KCNQ3: variants seen among roughly 807,000 people sequenced by gnomAD.
KCNQ3 encodes potassium voltage-gated channel subfamily KQT member 3.
Under a neutral mutation model 92.5 loss-of-function variants are expected in KCNQ3, and 30 were observed. The observed-to-expected ratio is 0.32, with a 90% CI of 0.24 to 0.44. The LOEUF (loss-of-function observed/expected upper bound fraction) is 0.44, where lower values mean the gene tolerates loss of function less well. Ranked by LOEUF, KCNQ3 falls within the 20% of genes least tolerant of loss-of-function variation. The pLI is 1.00. For synonymous variants in KCNQ3, 450 were observed against 468.8 expected (o/e 0.96, Z 0.52); for missense variants, 913 against 1,140.3 (o/e 0.80, Z 2.87).
intron 1 of KCNQ3, among the ~76,000 whole-genome samples, chr8:132,225,877 T>G (rs1053297320): frequency 6.6e-6 from 1 of 152,202 alleles, no homozygotes; most frequent in Non-Finnish European, 1.5e-5. Flanking sequence ...CCTCAACTGA[T>G]ATGAACAAGG....
chr8:132,162,469 A>T (rs1190334318), intron 9 of KCNQ3, among the ~76,000 whole-genome samples: 1 of 152,028 alleles, frequency 6.6e-6, no homozygotes, highest in African/African-American at 2.4e-5. Context: ...TTTCCATAGA[A>T]TTATCTGCAG....
intron 1 of KCNQ3, among the ~76,000 whole-genome samples, chr8:132,298,810 G>A (rs1817126701): frequency 6.6e-6 from 1 of 152,264 alleles, no homozygotes; most frequent in South Asian, 2.1e-4. Context: ...TCGGAAGGCT[G>A]AGGCAGAGAA....
At chr8:132,426,302 C>T (rs1337163077) in intron 1 of KCNQ3, among the ~76,000 whole-genome samples, 1 of 152,238 alleles carries the variant, frequency 6.6e-6, no homozygotes, top group Non-Finnish European at 1.5e-5. Flanking sequence ...GCAAACAACC[C>T]TACCCATCAT....
rs1194546271 is a variant in KCNQ3, at chr8:132,461,123, GT to G, written c.386+19023del. Among the ~76,000 whole-genome samples the G allele has an allele frequency of 3.9e-5, 6 of 152,066 alleles. 1 individual carries two copies. The highest frequency in any genetic ancestry group is 7.4e-5 in the Non-Finnish European group (5 of 68,018). ...TAGTTTATTGTATGGATGTACAATG[GT>G]TTGTTTATCCATTCATCTTGGTTGC... On this transcript the variant is annotated intron_variant, in intron 1 of 14. Coordinates refer to ENST00000388996, the MANE Select transcript of KCNQ3 (RefSeq NM_004519.4).
At chr8:132,361,233 A>G (rs1819160271) in intron 1 of KCNQ3, among the ~76,000 whole-genome samples, 1 of 152,146 alleles carries the variant, frequency 6.6e-6, no homozygotes, top group African/African-American at 2.4e-5. Flanking sequence ...TAGTTTGTTT[A>G]TAAGTGGAGC....
chr8:132,479,167 C>T (rs777984261), intron 1 of KCNQ3, among the ~76,000 whole-genome samples: 14 of 152,090 alleles, frequency 9.2e-5, no homozygotes, highest in Non-Finnish European at 2.1e-4. Flanking sequence ...AGGAGCACCC[C>T]CACCATCCTC....
chr8:132,443,177 G>T (rs2130840503), intron 1 of KCNQ3, among the ~76,000 whole-genome samples: 1 of 152,242 alleles, frequency 6.6e-6, no homozygotes, highest in South Asian at 2.1e-4. Flanking sequence ...CTGGCATTTG[G>T]CTAGCCAATT....
intron 1 of KCNQ3, among the ~76,000 whole-genome samples, chr8:132,304,986 A>G (rs888787016): frequency 2.0e-5 from 3 of 152,134 alleles, no homozygotes; most frequent in Admixed American, 6.5e-5. Context: ...AGGCAGGCCA[A>G]TAAGTGTGCT....
chr8:132,136,139 A>G (rs1257627344), intron 12 of KCNQ3, among the ~76,000 whole-genome samples: 10 of 149,868 alleles, frequency 6.7e-5, no homozygotes, highest in African/African-American at 2.5e-4. Flanking sequence ...AAAAAAAAAA[A>G]AAAAAAAGAA....
intron 1 of KCNQ3, among the ~76,000 whole-genome samples, chr8:132,348,652 C>T (rs544302509): frequency 1.6e-4 from 25 of 152,244 alleles, no homozygotes; most frequent in African/African-American, 4.6e-4. Flanking sequence ...CAGAGGCTGG[C>T]GGATCCACCT....
chr8:132,418,777 C>G (rs188163539), intron 1 of KCNQ3, among the ~76,000 whole-genome samples: 26 of 152,154 alleles, frequency 1.7e-4, no homozygotes, highest in Non-Finnish European at 2.6e-4. Context: ...CAGAATGAGA[C>G]TATGTCTCAA....
At chr8:132,454,004 C>T (rs1821884588) in intron 1 of KCNQ3, among the ~76,000 whole-genome samples, 1 of 152,198 alleles carries the variant, frequency 6.6e-6, no homozygotes, top group African/African-American at 2.4e-5. Flanking sequence ...GTCAACAGTG[C>T]TTGTTAAACA....
intron 1 of KCNQ3, among the ~76,000 whole-genome samples, chr8:132,378,661 C>T (rs117041271): frequency 6.6e-6 from 1 of 152,178 alleles, no homozygotes; most frequent in Non-Finnish European, 1.5e-5. Context: ...GGACCATGTG[C>T]TTTAAATGAG....
chr8:132,409,873 T>C (rs1388400080), intron 1 of KCNQ3, among the ~76,000 whole-genome samples: 2 of 152,250 alleles, frequency 1.3e-5, no homozygotes, highest in African/African-American at 2.4e-5. Flanking sequence ...ATAATAATCC[T>C]TGGTCATGAT....
At chr8:132,415,015 G>A (rs368176629) in intron 1 of KCNQ3, among the ~76,000 whole-genome samples, 1 of 152,202 alleles carries the variant, frequency 6.6e-6, no homozygotes, top group African/African-American at 2.4e-5. Flanking sequence ...GGCAGTTATC[G>A]TGTCACTCAG....
chr8:132,146,881 C>CAAGCCTGGCTAAT (rs1825466210), intron 9 of KCNQ3, among the ~76,000 whole-genome samples: 2 of 152,160 alleles, frequency 1.3e-5, no homozygotes, highest in African/African-American at 4.8e-5. Context: ...TAGTTTCAAA[C>CAAGCCTGGCTAAT]TCTTGAGCTC....
At chr8:132,442,593 C>T (rs544983260) in intron 1 of KCNQ3, among the ~76,000 whole-genome samples, 1 of 152,288 alleles carries the variant, frequency 6.6e-6, no homozygotes, top group South Asian at 2.1e-4. Context: ...ACTTCTCAAA[C>T]TCTAGCTTCC....
intron 1 of KCNQ3, among the ~76,000 whole-genome samples, chr8:132,376,309 T>A (rs1345582996): frequency 6.6e-6 from 1 of 152,236 alleles, no homozygotes; most frequent in Non-Finnish European, 1.5e-5. Context: ...TATCTTCCAA[T>A]CAGCAGCATT....
At chr8:132,185,165 G>T (rs1347858009) in intron 2 of KCNQ3, among the ~76,000 whole-genome samples, 1 of 152,198 alleles carries the variant, frequency 6.6e-6, no homozygotes, top group Admixed American at 6.5e-5. Flanking sequence ...CTGAGCTCTG[G>T]GACGTGCTGT....
Sources: allele counts gnomAD v4.1 joint callset (sites outside exome capture counted in the v4.1 genomes callset), GRCh38; gene constraint gnomAD v4.1.1; transcripts MANE v1.5; gene names NCBI Gene and HGNC (gene_info 2026-07-23, HGNC 2026-07-21).